The following RPF2 variants were observed in gnomAD, a reference collection of about 807,000 sequenced individuals.
The protein encoded by RPF2 is ribosome production factor 2 homolog, also known as brix domain containing 1.
Under a neutral mutation model 38.9 loss-of-function variants are expected in RPF2, and 21 were observed. That is an observed-to-expected ratio of 0.54 (90% confidence interval 0.38 to 0.78). RPF2 has a LOEUF of 0.78. RPF2 is among the 30% of genes least tolerant of loss of function. The pLI is 0.00. For synonymous variants in RPF2, 121 were observed against 126.2 expected, an observed-to-expected ratio of 0.96 and a Z score of 0.28; for missense variants, 314 against 358.1, an observed-to-expected ratio of 0.88 and a Z score of 0.99.
chr6:111,017,276 A>G (rs190268577), intron 8 of RPF2, among the ~76,000 whole-genome samples: 1 of 125,584 alleles, frequency 8.0e-6, no homozygotes, highest in Non-Finnish European at 1.8e-5. Context: ...AGGTGCCCCC[A>G]ACCTCCCGGA....
intron 5 of RPF2, among the ~76,000 whole-genome samples, chr6:110,998,711 G>C (rs1349669041): frequency 6.6e-6 from 1 of 152,116 alleles, no homozygotes; most frequent in Non-Finnish European, 1.5e-5. Context: ...AGGAATGTCA[G>C]GCGACCATCA....
chr6:111,017,000 G>A (rs1465881255), intron 8 of RPF2, among the ~76,000 whole-genome samples: 1 of 152,148 alleles, frequency 6.6e-6, no homozygotes, highest in Non-Finnish European at 1.5e-5. Flanking sequence ...CGGCTTGGGG[G>A]TAAGGTCATA....
At chr6:111,018,378 T>C (rs1772169963) in intron 8 of RPF2, among the ~76,000 whole-genome samples, 1 of 152,224 alleles carries the variant, frequency 6.6e-6, no homozygotes, top group Non-Finnish European at 1.5e-5. Flanking sequence ...GTTTAGACTT[T>C]GCTGTACATT....
Position 111,026,300 on chromosome 6 carries a change from T to C in RPF2, c.*718T>C, listed in dbSNP as rs888443811. On this transcript the variant is annotated 3_prime_UTR_variant, in exon 10 of 10. Coordinates refer to ENST00000441448, the MANE Select transcript of RPF2 (RefSeq NM_032194.3). Reference sequence around the variant, plus strand: ...ACAGCTCACTGCAGCCCTGAACTCCTGGGCTCAAGTAATCCTCCTGCCTGA... The same window carrying C: ...ACAGCTCACTGCAGCCCTGAACTCCCGGGCTCAAGTAATCCTCCTGCCTGA... 9.9e-5 allele frequency: 15 copies of C among 152,274 alleles called. No homozygotes were observed. Among genetic ancestry groups the C allele is most frequent in the African/African-American group, 3.4e-4 (14 of 41,382 alleles). 9.4% of individuals were successfully genotyped at this position (152,274 alleles called of 1,614,324 possible).
intron 7 of RPF2, 88 bp downstream of exon 7, chr6:111,008,225 G>C: frequency 7.3e-7 from 1 of 1,378,724 alleles, no homozygotes; most frequent in East Asian, 2.9e-5. Flanking sequence ...CTTTAGGTTT[G>C]TAACTTCTTT....
intron 7 of RPF2, among the ~76,000 whole-genome samples, chr6:111,010,692 A>C (rs1181900277): frequency 1.3e-5 from 2 of 152,232 alleles, no homozygotes; most frequent in East Asian, 3.9e-4. Context: ...ATTTTTATAT[A>C]CTTTGCTGTA....
chr6:110,982,526 T>G, intron 1 of RPF2: 6 of 220,530 alleles, frequency 2.7e-5, no homozygotes, highest in South Asian at 1.5e-4. Flanking sequence ...CTCTAAATCT[T>G]AGCTTATTCT....
intron 8 of RPF2, among the ~76,000 whole-genome samples, chr6:111,021,263 T>C (rs577412490): frequency 6.6e-6 from 1 of 152,294 alleles, no homozygotes; most frequent in Admixed American, 6.5e-5. Flanking sequence ...ACCTTTACAC[T>C]AGCACGACAT....
At chr6:110,985,215 A>G in intron 2 of RPF2, 77 bp downstream of exon 2, 1 of 1,217,294 alleles carries the variant, frequency 8.2e-7, no homozygotes, top group East Asian at 2.5e-5. Flanking sequence ...GGGCTGTCGG[A>G]GAAATACGTA....
At chr6:111,002,095 C>T (rs965303442) in intron 6 of RPF2, among the ~76,000 whole-genome samples, 1 of 152,122 alleles carries the variant, frequency 6.6e-6, no homozygotes, top group Non-Finnish European at 1.5e-5. Context: ...ACCTGGCCAA[C>T]ATGGTGAAGC....
chr6:111,001,141 C>T (rs1473907608), intron 6 of RPF2, among the ~76,000 whole-genome samples: 1 of 152,122 alleles, frequency 6.6e-6, no homozygotes, highest in African/African-American at 2.4e-5. Context: ...GATTTAGAGG[C>T]AGAACACTTG....
chr6:111,022,986 C>T (rs1772260744), intron 8 of RPF2, among the ~76,000 whole-genome samples: 2 of 152,252 alleles, frequency 1.3e-5, no homozygotes, highest in Admixed American at 6.5e-5. Flanking sequence ...GCAACCTCCG[C>T]CTCCTGGGTT....
chr6:111,003,224 G>A (rs1203613346), intron 6 of RPF2, among the ~76,000 whole-genome samples: 1 of 151,808 alleles, frequency 6.6e-6, no homozygotes, highest in Non-Finnish European at 1.5e-5. Context: ...TTAAGACGTT[G>A]TGCTAGATAT....
chr6:111,017,554 A>G (rs1233859240), intron 8 of RPF2, among the ~76,000 whole-genome samples: 2 of 125,222 alleles, frequency 1.6e-5, no homozygotes, highest in Non-Finnish European at 1.6e-5. Context: ...CCGGGCAGAG[A>G]CGCTCCTCAC....
chr6:111,013,858 C>T (rs538157003), intron 7 of RPF2, among the ~76,000 whole-genome samples: 1 of 152,138 alleles, frequency 6.6e-6, no homozygotes, highest in East Asian at 1.9e-4. Context: ...TGTCCCAGGC[C>T]AGGCGTGGTG....
chr6:111,022,144 G>A (rs144030893), intron 8 of RPF2, among the ~76,000 whole-genome samples: 118 of 152,288 alleles, frequency 7.7e-4, no homozygotes, highest in African/African-American at 2.7e-3. Context: ...GGCCTTATGG[G>A]GGGAAATATG....
intron 4 of RPF2, among the ~76,000 whole-genome samples, chr6:110,995,273 A>T (rs1487444902): frequency 6.6e-6 from 1 of 152,204 alleles, no homozygotes; most frequent in Non-Finnish European, 1.5e-5. Flanking sequence ...GTGTGTTCAC[A>T]TATGACATCG....
intron 2 of RPF2, among the ~76,000 whole-genome samples, chr6:110,986,662 G>A (rs1016093995): frequency 2.0e-5 from 3 of 152,110 alleles, no homozygotes; most frequent in Admixed American, 1.3e-4. Context: ...TGAAAGAAAG[G>A]CATAGTATGG....
At chr6:111,001,935 G>A (rs1771817449) in intron 6 of RPF2, among the ~76,000 whole-genome samples, 1 of 152,208 alleles carries the variant, frequency 6.6e-6, no homozygotes. Flanking sequence ...CTTGAAGCCA[G>A]GAATTTGAGA....
Sources: gnomAD v4.1 joint callset for allele counts (sites outside exome capture counted in the v4.1 genomes callset) on GRCh38, gnomAD v4.1.1 for gene constraint, MANE v1.5 for transcripts, NCBI Gene and HGNC (gene_info 2026-07-23, HGNC 2026-07-21) for gene names.